The following WNT3 variants were observed in gnomAD, a reference collection of about 807,000 sequenced individuals.
WNT3 encodes proto-oncogene Wnt-3.
Under a neutral mutation model 34.2 loss-of-function variants are expected in WNT3, and 7 were observed. The ratio of observed to expected loss-of-function variants is 0.20; its 90% CI spans 0.12 to 0.38. The LOEUF (loss-of-function observed/expected upper bound fraction) is 0.38. WNT3 is among the 10% of genes least tolerant of loss of function. The pLI is 1.00. For synonymous variants in WNT3, 212 were observed against 211.5 expected (o/e 1.00, Z -0.02); for missense variants, 267 against 499.8 (o/e 0.53, Z 4.44).
chr17:46,777,038 A>G (rs764429081), intron 1 of WNT3, among the ~76,000 whole-genome samples: 3 of 152,138 alleles, frequency 2.0e-5, no homozygotes, highest in Non-Finnish European at 2.9e-5. Context: ...CACAAAGCCC[A>G]TTATACAGAT....
chr17:46,777,692 C>A (rs994221851), intron 1 of WNT3, among the ~76,000 whole-genome samples: 1 of 152,206 alleles, frequency 6.6e-6, no homozygotes, highest in African/African-American at 2.4e-5. Flanking sequence ...TGAATCCTCA[C>A]AACAACTCTG....
chr17:46,763,332 G>A lies in WNT3; in HGVS notation c.*1298C>T, dbSNP rs949816240. 2.7e-4 allele frequency: 41 copies of A among 152,158 alleles called. No homozygotes were observed. The highest frequency in any genetic ancestry group is 8.7e-4 in the African/African-American group (36 of 41,430). The allele number at this position is 152,158 out of a possible 1,614,324, so 9.4% of individuals were successfully genotyped here. A position where few individuals can be genotyped will look rare whatever the true frequency, so the allele number is the denominator to read the frequency against. ...GCTCAGCTGGACCAGTATGCCTCAGGGAGAACTCAGCCGTGAGATGCTTCA... is the reference window on the plus strand; with the variant it reads ...GCTCAGCTGGACCAGTATGCCTCAGAGAGAACTCAGCCGTGAGATGCTTCA... On this transcript the variant is annotated 3_prime_UTR_variant, in exon 5 of 5. Transcript: ENST00000225512.
At chr17:46,773,642 C>T in intron 2 of WNT3, 26 bp downstream of exon 2, 6 of 861,778 alleles carry the variant, frequency 7.0e-6, no homozygotes, top group Non-Finnish European at 1.0e-5. Flanking sequence ...CCAGCCCCTC[C>T]CCCCCCCTCA....
At chr17:46,779,239 C>T (rs1476673638) in intron 1 of WNT3, among the ~76,000 whole-genome samples, 2 of 152,198 alleles carry the variant, frequency 1.3e-5, no homozygotes, top group Non-Finnish European at 2.9e-5. Flanking sequence ...TCCGGAGCTT[C>T]CGCCTACACA....
At chr17:46,791,946 G>A (rs199493) in intron 1 of WNT3, among the ~76,000 whole-genome samples, 131,573 of 152,214 alleles carry the variant, frequency 0.86, 57,134 homozygotes, top group East Asian at 1. Flanking sequence ...AGACTGAGGC[G>A]GGAGGATCGC....
chr17:46,768,017 A>C lies in WNT3; in HGVS notation c.*8+295T>G, dbSNP rs1568072438. Among the ~76,000 whole-genome samples, 1 of 152,026 alleles carries C rather than the reference A, an allele frequency of 6.6e-6. No individual in the cohort carries two copies. The highest frequency in any genetic ancestry group is 1.5e-5 in the Non-Finnish European group (1 of 67,998). ...TGGCCAGGCCGGTCTCGAACTCCTG[A>C]CCTCAGGTGATCCGTCCACCTCGGC... On this transcript the variant is annotated intron_variant, in intron 4 of 4. Transcript: ENST00000225512. The surrounding 1 kb of genome is among the most constrained non-coding windows in gnomAD (Gnocchi z 5.0).
At chr17:46,803,827 C>T (rs1568093456) in intron 1 of WNT3, among the ~76,000 whole-genome samples, 1 of 152,224 alleles carries the variant, frequency 6.6e-6, no homozygotes, top group Non-Finnish European at 1.5e-5. Flanking sequence ...CTGCAGAGCC[C>T]GGAAGCAGGC....
chr17:46,811,106 A>AG (rs1187837934), intron 1 of WNT3, among the ~76,000 whole-genome samples: 3 of 152,134 alleles, frequency 2.0e-5, no homozygotes, highest in African/African-American at 7.2e-5. Context: ...TCCCGGCTGT[A>AG]CAGGCCAGGC....
intron 1 of WNT3, among the ~76,000 whole-genome samples, chr17:46,789,328 C>T (rs780404647): frequency 6.6e-6 from 1 of 152,168 alleles, no homozygotes; most frequent in Non-Finnish European, 1.5e-5. Context: ...GACCAGCTGG[C>T]TACTGGGGTC....
chr17:46,818,120 C>A (rs2146479460), intron 1 of WNT3, among the ~76,000 whole-genome samples: 1 of 152,062 alleles, frequency 6.6e-6, no homozygotes, highest in East Asian at 1.9e-4. Context: ...TGGTTTTGCC[C>A]ATGAAGACCC....
At chr17:46,776,957 G>A (rs1168150229) in intron 1 of WNT3, among the ~76,000 whole-genome samples, 1 of 152,114 alleles carries the variant, frequency 6.6e-6, no homozygotes, top group Non-Finnish European at 1.5e-5. Flanking sequence ...GCAGGCCTGG[G>A]CACCCTCAAG....
chr17:46,816,474 C>T (rs976283594), intron 1 of WNT3, among the ~76,000 whole-genome samples: 12 of 85,306 alleles, frequency 1.4e-4, no homozygotes, highest in East Asian at 4.8e-4. Context: ...CCAGAACACA[C>T]GCACACACAC....
At chr17:46,765,247 C>T (rs2059302440) in intron 4 of WNT3, among the ~76,000 whole-genome samples, 1 of 152,228 alleles carries the variant, frequency 6.6e-6, no homozygotes, top group South Asian at 2.1e-4. Flanking sequence ...ATTGAAGGGA[C>T]ACATCCAAGG....
chr17:46,771,539 A>ACAGCCCCGCTGTGC (rs2059369812), intron 2 of WNT3, among the ~76,000 whole-genome samples: 1 of 148,312 alleles, frequency 6.7e-6, no homozygotes, highest in Admixed American at 6.7e-5. Flanking sequence ...AGCGGCGCTG[A>ACAGCCCCGCTGTGC]CAGCCCCGCT....
intron 1 of WNT3, among the ~76,000 whole-genome samples, chr17:46,779,104 C>CACACACACACACACACACA (rs1555683622): frequency 2.5e-4 from 33 of 130,834 alleles, no homozygotes; most frequent in Admixed American, 4.9e-4. Context: ...CACACACACA[C>CACACACACACACACACACA]CCCAGCCCAC....
rs202214901 is a variant in WNT3 at position 46,806,366 on chromosome 17, C to T, written c.80+12152G>A. Among the ~76,000 whole-genome samples, 20 of 152,128 alleles carry T rather than the reference C, an allele frequency of 1.3e-4. No individual in the cohort carries two copies. The East Asian group carries it at 3.3e-3, about 25-fold the overall frequency. ...CTGGGATTACAGGCACGTGCCACCA[C>T]GCCCGGCTAATTTTGTATTTTTAGT... On this transcript the variant is annotated intron_variant, in intron 1 of 4. Coordinates refer to ENST00000225512, the MANE Select transcript of WNT3 (RefSeq NM_030753.5).
At chr17:46,807,291 T>C (rs981766161) in intron 1 of WNT3, among the ~76,000 whole-genome samples, 2 of 152,228 alleles carry the variant, frequency 1.3e-5, no homozygotes, top group Non-Finnish European at 2.9e-5. Flanking sequence ...GATACCAGCC[T>C]GACCAACATG....
At chr17:46,776,463 A>G (rs1009008429) in intron 1 of WNT3, among the ~76,000 whole-genome samples, 4 of 152,164 alleles carry the variant, frequency 2.6e-5, no homozygotes, top group Non-Finnish European at 5.9e-5. Context: ...GCAGGTCTGT[A>G]ATAAAAACTT....
intron 1 of WNT3, among the ~76,000 whole-genome samples, chr17:46,809,126 G>A (rs1047858833): frequency 6.6e-6 from 1 of 152,124 alleles, no homozygotes; most frequent in African/African-American, 2.4e-5. Flanking sequence ...GGATCGAGGG[G>A]GTTTGTGAAA....
Sources: allele counts gnomAD v4.1 joint callset (sites outside exome capture counted in the v4.1 genomes callset), GRCh38; gene constraint gnomAD v4.1.1; non-coding constraint Gnocchi (gnomAD v3.1); transcripts MANE v1.5; gene names NCBI Gene and HGNC (gene_info 2026-07-23, HGNC 2026-07-21).